The following PKHD1 variants were observed in gnomAD, a reference collection of about 807,000 sequenced individuals.
PKHD1 encodes the protein fibrocystin.
Under a neutral mutation model 412.0 loss-of-function variants are expected in PKHD1, and 291 were observed. The ratio of observed to expected loss-of-function variants is 0.71; its 90% CI spans 0.64 to 0.78. The LOEUF (loss-of-function observed/expected upper bound fraction) is 0.78, where lower values mean the gene tolerates loss of function less well. Ranked by LOEUF, PKHD1 falls within the 30% of genes least tolerant of loss-of-function variation. The pLI is 0.00. For synonymous variants in PKHD1, 1,777 were observed against 1,821.5 expected, an observed-to-expected ratio of 0.98 and a Z score of 0.62; for missense variants, 4,825 against 4,950.7, an observed-to-expected ratio of 0.97 and a Z score of 0.76.
chr6:51,615,309 C>G lies in PKHD1; in HGVS notation c.*3772G>C, dbSNP rs977099500. The stretch of plus-strand genomic sequence containing the variant: ...CAAATGCTAGAAGAATATTTGTAAA[C>G]ATTCAAATCTCTGTATTCTGCCACT... On this transcript the variant is annotated 3_prime_UTR_variant, in exon 67 of 67. Transcript: ENST00000371117. 2.0e-5 allele frequency: 3 copies of G among 152,116 alleles called. No individual in the cohort carries two copies. Among genetic ancestry groups the G allele is most frequent in the Admixed American group, 6.5e-5 (1 of 15,268 alleles). 9.4% of individuals were successfully genotyped at this position (152,116 alleles called of 1,614,324 possible).
intron 60 of PKHD1, among the ~76,000 whole-genome samples, chr6:51,702,174 A>AAG (rs1779508131): frequency 6.8e-6 from 1 of 146,110 alleles, no homozygotes; most frequent in Non-Finnish European, 1.5e-5. Flanking sequence ...TTATATGTAT[A>AAG]ATATATAATA....
At chr6:52,033,757 G>A (rs1487167396) in intron 28 of PKHD1, among the ~76,000 whole-genome samples, 1 of 152,102 alleles carries the variant, frequency 6.6e-6, no homozygotes, top group Non-Finnish European at 1.5e-5. Flanking sequence ...TGAAACAGGA[G>A]AACAGAGATA....
intron 65 of PKHD1, among the ~76,000 whole-genome samples, chr6:51,628,925 T>C (rs1315559253): frequency 6.6e-6 from 1 of 152,048 alleles, no homozygotes; most frequent in Non-Finnish European, 1.5e-5. Context: ...CATACAACCA[T>C]CTCATCTTCA....
intron 52 of PKHD1, among the ~76,000 whole-genome samples, chr6:51,803,769 C>T (rs976528261): frequency 2.0e-5 from 3 of 151,392 alleles, no homozygotes; most frequent in Admixed American, 6.6e-5. Context: ...TGCAATGGTG[C>T]GATCTTGGCT....
At chr6:51,697,882 T>A (rs1261606902) in intron 60 of PKHD1, among the ~76,000 whole-genome samples, 3 of 152,228 alleles carry the variant, frequency 2.0e-5, no homozygotes, top group African/African-American at 4.8e-5. Context: ...TTACTTTTTT[T>A]AAATCCTCAT....
intron 34 of PKHD1, among the ~76,000 whole-genome samples, chr6:52,015,606 T>G (rs540537626): frequency 6.6e-6 from 1 of 151,808 alleles, no homozygotes; most frequent in Admixed American, 6.6e-5. Flanking sequence ...GGGCAGATCA[T>G]GAGGTCAGGA....
At chr6:51,823,001 G>A (rs560496926) in intron 52 of PKHD1, among the ~76,000 whole-genome samples, 1 of 151,972 alleles carries the variant, frequency 6.6e-6, no homozygotes, top group Non-Finnish European at 1.5e-5. Flanking sequence ...GAAATCCTGG[G>A]GAAAGTAATG....
intron 45 of PKHD1, among the ~76,000 whole-genome samples, chr6:51,884,232 T>C (rs1460137890): frequency 1.3e-5 from 2 of 152,216 alleles, no homozygotes; most frequent in Admixed American, 6.6e-5. Flanking sequence ...TTAATTCTTT[T>C]GTGTGTGACC....
At chr6:51,735,936 A>G (rs1187281665) in intron 60 of PKHD1, among the ~76,000 whole-genome samples, 1 of 152,100 alleles carries the variant, frequency 6.6e-6, no homozygotes, top group East Asian at 1.9e-4. Flanking sequence ...CTTGTTTCTA[A>G]AAATAAAAAA....
intron 37 of PKHD1, among the ~76,000 whole-genome samples, chr6:51,926,139 T>C (rs1423548663): frequency 6.6e-6 from 1 of 152,118 alleles, no homozygotes; most frequent in Non-Finnish European, 1.5e-5. Context: ...CAAACGGTGA[T>C]GGGGAAATGT....
intron 33 of PKHD1, among the ~76,000 whole-genome samples, chr6:52,021,125 A>G (rs987149318): frequency 6.6e-6 from 1 of 152,218 alleles, no homozygotes; most frequent in Non-Finnish European, 1.5e-5. Context: ...ATTCCTCTAG[A>G]GTAAATGTGT....
At chr6:51,705,557 G>A (rs1779921429) in intron 60 of PKHD1, among the ~76,000 whole-genome samples, 1 of 152,086 alleles carries the variant, frequency 6.6e-6, no homozygotes, top group African/African-American at 2.4e-5. Context: ...CTACTCCTCA[G>A]AACTCCACGA....
chr6:51,867,849 T>G lies in PKHD1; in HGVS notation c.7733+14A>C, dbSNP rs774989698. The G allele has an allele frequency of 2.5e-6, 4 of 1,611,788 alleles. No homozygotes were observed. In the South Asian group the frequency reaches 4.4e-5, roughly 18 times the overall value. ...CCCATCGGCAAGCTAAAAAGTATAG[T>G]TAATTCCACTTACAAACCAATAGAC... On this transcript the variant is annotated intron_variant, in intron 48 of 66. Coordinates refer to ENST00000371117, the MANE Select transcript of PKHD1 (RefSeq NM_138694.4).
chr6:51,982,166 A>C (rs368759015), intron 35 of PKHD1, among the ~76,000 whole-genome samples: 1 of 22,864 alleles, frequency 4.4e-5, no homozygotes, highest in African/African-American at 1.5e-4. Flanking sequence ...CCCGGCAGCC[A>C]CCCCGTCCGG....
chr6:51,899,414 A>G (rs1307086178), intron 43 of PKHD1, among the ~76,000 whole-genome samples: 1 of 152,178 alleles, frequency 6.6e-6, no homozygotes, highest in Non-Finnish European at 1.5e-5. Context: ...AAAGACAAAA[A>G]CCACAGAATT....
At chr6:51,636,108 G>C (rs1768536010) in intron 64 of PKHD1, among the ~76,000 whole-genome samples, 1 of 152,134 alleles carries the variant, frequency 6.6e-6, no homozygotes, top group Admixed American at 6.6e-5. Context: ...AAATGAGCTG[G>C]ATTTGATAAT....
chr6:51,950,397 T>C (rs1437782617), intron 36 of PKHD1, among the ~76,000 whole-genome samples: 1 of 152,026 alleles, frequency 6.6e-6, no homozygotes, highest in African/African-American at 2.4e-5. Context: ...AAGTTTCCAC[T>C]GTTCTTTGCT....
At chr6:51,769,847 C>T (rs1033877154) in intron 55 of PKHD1, among the ~76,000 whole-genome samples, 2 of 151,468 alleles carry the variant, frequency 1.3e-5, no homozygotes, top group Non-Finnish European at 3.0e-5. Flanking sequence ...ATTATTGTTA[C>T]TTCCCAGCTA....
At chr6:51,747,750 T>C (rs776078624) in intron 58 of PKHD1, 37 bp downstream of exon 58, 30 of 1,579,942 alleles carry the variant, frequency 1.9e-5, no homozygotes, top group South Asian at 1.7e-4. Context: ...CATGGATGTA[T>C]GAAATGGCAC....
Sources: gnomAD v4.1 joint callset for allele counts (sites outside exome capture counted in the v4.1 genomes callset) on GRCh38, gnomAD v4.1.1 for gene constraint, MANE v1.5 for transcripts, NCBI Gene and HGNC (gene_info 2026-07-23, HGNC 2026-07-21) for gene names.